STX8: variants seen among roughly 807,000 people sequenced by gnomAD.
The protein encoded by STX8 is syntaxin 8, also known as syntaxin-8.
In STX8, 23 loss-of-function variants were observed where a neutral mutation model predicts 37.5. That is an observed-to-expected ratio of 0.61 (90% CI 0.44 to 0.87). STX8 has a LOEUF of 0.87. Among genes scored for constraint, STX8 ranks in the 40% least tolerant of loss-of-function variants. The pLI is 0.00. For synonymous variants in STX8, 115 were observed against 99.1 expected (o/e 1.16, Z -0.95); for missense variants, 313 against 284.7 (o/e 1.10, Z -0.71).
chr17:9,484,764 T>C (rs1054928303), intron 6 of STX8, among the ~76,000 whole-genome samples: 1 of 151,324 alleles, frequency 6.6e-6, no homozygotes, highest in African/African-American at 2.4e-5. Flanking sequence ...GAGGTGGAGG[T>C]TGCCATGAGG....
chr17:9,461,336 G>A (rs939789697), intron 6 of STX8: 4 of 152,104 alleles, frequency 2.6e-5, no homozygotes, highest in Non-Finnish European at 1.5e-5. Flanking sequence ...AGGAAGGTGA[G>A]AGGGTGGGCA....
chr17:9,282,302 T>G (rs968882403), intron 7 of STX8, among the ~76,000 whole-genome samples: 4 of 152,052 alleles, frequency 2.6e-5, no homozygotes, highest in Non-Finnish European at 5.9e-5. Context: ...CCAGCTAATT[T>G]TTTGTATTTT....
chr17:9,508,197 C>G (rs549427734), intron 4 of STX8, among the ~76,000 whole-genome samples: 2 of 152,172 alleles, frequency 1.3e-5, no homozygotes, highest in South Asian at 2.1e-4. Context: ...ATGACTTGAA[C>G]AAGAAATTCA....
chr17:9,488,457 G>T (rs1394752530), intron 6 of STX8, among the ~76,000 whole-genome samples: 1 of 152,150 alleles, frequency 6.6e-6, no homozygotes, highest in East Asian at 1.9e-4. Context: ...TGGAATATGG[G>T]TTGCTCATCA....
At chr17:9,278,279 T>TTGGTCTCTACTAAAATA (rs1907748800) in intron 7 of STX8, among the ~76,000 whole-genome samples, 1 of 152,158 alleles carries the variant, frequency 6.6e-6, no homozygotes, top group African/African-American at 2.4e-5. Flanking sequence ...GAAAACCCCG[T>TTGGTCTCTACTAAAATA]CTCTACTAAA....
At chr17:9,425,486 G>C (rs1240847141) in intron 6 of STX8, among the ~76,000 whole-genome samples, 3 of 152,080 alleles carry the variant, frequency 2.0e-5, no homozygotes, top group Admixed American at 6.5e-5. Flanking sequence ...GCAAGGTGGG[G>C]GCACTCCACT....
chr17:9,271,748 CAAAAAAAAAAAAA>C (rs71135959), intron 7 of STX8, among the ~76,000 whole-genome samples: 1 of 63,468 alleles, frequency 1.6e-5, no homozygotes, highest in Non-Finnish European at 3.4e-5. Context: ...GACTCCATCT[CAAAAAAAAAAAAA>C]AAAAAAAGAA....
At chr17:9,295,705 C>T (rs371645226) in intron 7 of STX8, among the ~76,000 whole-genome samples, 6 of 150,900 alleles carry the variant, frequency 4.0e-5, no homozygotes, top group African/African-American at 1.2e-4. Flanking sequence ...ATCGCGCCAC[C>T]GCACTCCAGC....
chr17:9,494,279 T>C (rs2142481556), intron 5 of STX8, among the ~76,000 whole-genome samples: 1 of 151,704 alleles, frequency 6.6e-6, no homozygotes, highest in South Asian at 2.1e-4. Context: ...CCTCCCAAAG[T>C]GCTGGGATTA....
chr17:9,559,749 TATATA>T (rs1907135798), intron 2 of STX8, among the ~76,000 whole-genome samples: 2 of 47,658 alleles, frequency 4.2e-5, no homozygotes, highest in Non-Finnish European at 6.8e-5. Flanking sequence ...TATATATATA[TATATA>T]TATATATTTT....
chr17:9,413,576 A>C (rs1452547963), intron 6 of STX8, among the ~76,000 whole-genome samples: 1 of 152,112 alleles, frequency 6.6e-6, no homozygotes, highest in Non-Finnish European at 1.5e-5. Flanking sequence ...TTATCTCTCC[A>C]TTGTTTTTCC....
chr17:9,458,255 T>C (rs1184335882), intron 6 of STX8, among the ~76,000 whole-genome samples: 1 of 152,210 alleles, frequency 6.6e-6, no homozygotes, highest in Non-Finnish European at 1.5e-5. Flanking sequence ...GCTCACGCCA[T>C]TCTCCTGCCT....
At chr17:9,462,322 C>G (rs998863551) in intron 6 of STX8, among the ~76,000 whole-genome samples, 16 of 152,170 alleles carry the variant, frequency 1.1e-4, no homozygotes, top group African/African-American at 3.6e-4. Flanking sequence ...AAGACAAACT[C>G]ACTTTGTGGC....
At chr17:9,415,137 A>G (rs1042127786) in intron 6 of STX8, among the ~76,000 whole-genome samples, 4 of 152,052 alleles carry the variant, frequency 2.6e-5, no homozygotes, top group Admixed American at 2.0e-4. Flanking sequence ...GAGGAAGGAC[A>G]ATAGGCCTCA....
intron 6 of STX8, among the ~76,000 whole-genome samples, chr17:9,456,698 T>C (rs912970902): frequency 7.9e-5 from 12 of 152,156 alleles, no homozygotes; most frequent in Non-Finnish European, 1.5e-4. Flanking sequence ...GAGGTCACTA[T>C]AGGAAATGAA....
chr17:9,513,634 C>T (rs1412759013), intron 4 of STX8, among the ~76,000 whole-genome samples: 1 of 152,186 alleles, frequency 6.6e-6, no homozygotes, highest in Non-Finnish European at 1.5e-5. Context: ...AAAACTATAA[C>T]TAGAGCTACC....
chr17:9,472,324 G>C (rs1567575328), intron 6 of STX8, among the ~76,000 whole-genome samples: 1 of 152,202 alleles, frequency 6.6e-6, no homozygotes, highest in Non-Finnish European at 1.5e-5. Flanking sequence ...ATGAGTAAAT[G>C]CGAGAGTACT....
At chr17:9,495,836 T>C (rs541865568) in intron 5 of STX8, among the ~76,000 whole-genome samples, 1 of 152,336 alleles carries the variant, frequency 6.6e-6, no homozygotes, top group South Asian at 2.1e-4. Flanking sequence ...GAAGGTGGTA[T>C]GGCTATCTTA....
intron 4 of STX8, among the ~76,000 whole-genome samples, chr17:9,522,539 TCC>T (rs1339210745): frequency 0.71 from 80,235 of 112,392 alleles, 27,586 homozygotes; most frequent in Middle Eastern, 0.91. Context: ...CTACTAAAAA[TCC>T]AAAAAAAAAA....
Sources: gnomAD v4.1 joint callset for allele counts (sites outside exome capture counted in the v4.1 genomes callset) on GRCh38, gnomAD v4.1.1 for gene constraint, MANE v1.5 for transcripts, NCBI Gene and HGNC (gene_info 2026-07-23, HGNC 2026-07-21) for gene names.